The following CHSY3 variants were observed in gnomAD, a reference collection of about 807,000 sequenced individuals.
The protein encoded by CHSY3 is chondroitin sulfate synthase 3, also known as N-acetylgalactosaminyl-proteoglycan 3-beta-glucuronosyltransferase 3.
A neutral mutation model predicts 67.2 loss-of-function variants in CHSY3; 35 were observed. The ratio of observed to expected loss-of-function variants is 0.52; its 90% CI spans 0.40 to 0.69. The LOEUF is 0.69. Among genes scored for constraint, CHSY3 ranks in the 30% least tolerant of loss-of-function variants. The pLI, the probability that CHSY3 is intolerant of heterozygous loss-of-function variation, is 0.00. For synonymous variants in CHSY3, 474 were observed against 434.7 expected (o/e 1.09, Z -1.12); for missense variants, 1,069 against 1,138.5 (o/e 0.94, Z 0.88).
chr5:129,975,064 C>A (rs1561480638), intron 2 of CHSY3: 1 of 151,788 alleles, frequency 6.6e-6, no homozygotes, highest in East Asian at 2.0e-4. Context: ...CATCACACAC[C>A]AGGGCCTGTT....
chr5:129,983,560 T>C (rs551760933), intron 2 of CHSY3, among the ~76,000 whole-genome samples: 5 of 152,214 alleles, frequency 3.3e-5, no homozygotes, highest in African/African-American at 1.2e-4. Context: ...GCTCTTCCTT[T>C]TCATTCTTCT....
At chr5:130,123,054 C>A (rs1297560809) in intron 2 of CHSY3, among the ~76,000 whole-genome samples, 1 of 140,174 alleles carries the variant, frequency 7.1e-6, no homozygotes, top group African/African-American at 2.8e-5. Context: ...GGAGGTATGA[C>A]CCCTGCCTCC....
intron 2 of CHSY3, among the ~76,000 whole-genome samples, chr5:129,986,670 T>C (rs892704646): frequency 7.9e-5 from 12 of 152,226 alleles, no homozygotes; most frequent in African/African-American, 2.9e-4. Flanking sequence ...TGAGACAGGG[T>C]CACACTCTGT....
At chr5:129,989,211 T>C (rs1159445442) in intron 2 of CHSY3, among the ~76,000 whole-genome samples, 1 of 150,782 alleles carries the variant, frequency 6.6e-6, no homozygotes, top group Non-Finnish European at 1.5e-5. Context: ...GGTCATCCCA[T>C]AGAGGAAAGG....
intron 2 of CHSY3, among the ~76,000 whole-genome samples, chr5:130,130,755 C>T (rs1561550877): frequency 6.6e-6 from 1 of 152,156 alleles, no homozygotes; most frequent in African/African-American, 2.4e-5. Flanking sequence ...TGCCTTTACT[C>T]CCTCAGGTCC....
chr5:129,952,467 T>G (rs1339869471), intron 2 of CHSY3, among the ~76,000 whole-genome samples: 1 of 152,204 alleles, frequency 6.6e-6, no homozygotes, highest in Non-Finnish European at 1.5e-5. Flanking sequence ...CTTTCAGAAA[T>G]GAGCGTATAA....
intron 2 of CHSY3, among the ~76,000 whole-genome samples, chr5:130,110,583 C>T (rs927166147): frequency 1.8e-4 from 28 of 151,916 alleles, no homozygotes; most frequent in African/African-American, 6.5e-4. Context: ...TAAGATCTGT[C>T]TTGAGCCTTA....
chr5:130,108,382 T>C (rs1347157000), intron 2 of CHSY3, among the ~76,000 whole-genome samples: 1 of 151,554 alleles, frequency 6.6e-6, no homozygotes, highest in African/African-American at 2.4e-5. Flanking sequence ...TATTATAAAT[T>C]GTATAGGGCC....
chr5:129,966,909 G>A (rs1400706649), intron 2 of CHSY3, among the ~76,000 whole-genome samples: 4 of 151,798 alleles, frequency 2.6e-5, no homozygotes, highest in African/African-American at 9.7e-5. Flanking sequence ...GATACTGTAA[G>A]TAACTTTATA....
intron 2 of CHSY3, among the ~76,000 whole-genome samples, chr5:129,927,708 T>A (rs1260460895): frequency 6.6e-6 from 1 of 152,092 alleles, no homozygotes; most frequent in Non-Finnish European, 1.5e-5. Flanking sequence ...AATTCCTGGT[T>A]ATGTAAAACA....
At chr5:130,115,490 A>G (rs925062597) in intron 2 of CHSY3, among the ~76,000 whole-genome samples, 1 of 151,986 alleles carries the variant, frequency 6.6e-6, no homozygotes, top group Non-Finnish European at 1.5e-5. Context: ...ATTTTTTCCT[A>G]CTTATAATGC....
At position 130,159,161 on chromosome 5, in the gene CHSY3, C is replaced by CTTTTTT. The variant is rs33919002; in HGVS notation, c.1087-25052_1087-25047dup. Among the ~76,000 whole-genome samples the CTTTTTT allele has an allele frequency of 7.3e-4, 72 of 98,708 alleles. 1 individual carries two copies. The highest frequency in any genetic ancestry group is 1.0e-3 in the Non-Finnish European group (53 of 51,118). The allele number at this position is 98,708 out of a possible 152,430, so 64.8% of individuals were successfully genotyped here. On this transcript the variant is annotated intron_variant, in intron 2 of 2. Transcript: ENST00000305031. ...TTCTTAATTCTGCATTAAGATTTGT[C>CTTTTTT]TTTTTTTTTTTTTTTTTTTTTGAGA...
At chr5:129,989,612 A>G (rs1763302343) in intron 2 of CHSY3, among the ~76,000 whole-genome samples, 1 of 152,168 alleles carries the variant, frequency 6.6e-6, no homozygotes, top group Non-Finnish European at 1.5e-5. Flanking sequence ...TTCAGACCAT[A>G]GCAGTTCCTT....
chr5:130,118,035 T>C (rs554181265), intron 2 of CHSY3, among the ~76,000 whole-genome samples: 1 of 152,140 alleles, frequency 6.6e-6, no homozygotes, highest in East Asian at 1.9e-4. Context: ...AACATGCCAC[T>C]CCCCCTGCCC....
chr5:130,171,417 C>A lies in CHSY3; in HGVS notation c.1087-12812C>A, dbSNP rs540467598. 1.1e-3 allele frequency among the ~76,000 whole-genome samples: 167 copies of A among 152,084 alleles called. 2 individuals carry two copies. Among genetic ancestry groups the A allele is most frequent in the African/African-American group, 3.9e-3 (162 of 41,492 alleles). The stretch of plus-strand genomic sequence containing the variant: ...AACAAATGATTATGTGTCATTATAC[C>A]ATGATAAACAAACCTGATGAACTTA... On this transcript the variant is annotated intron_variant, in intron 2 of 2. Transcript: ENST00000305031.
At chr5:130,009,119 G>T (rs935431395) in intron 2 of CHSY3, among the ~76,000 whole-genome samples, 1 of 152,048 alleles carries the variant, frequency 6.6e-6, no homozygotes, top group Non-Finnish European at 1.5e-5. Flanking sequence ...GAGAATCCTT[G>T]CAAAATCGTA....
chr5:130,167,668 A>G (rs556948088), intron 2 of CHSY3, among the ~76,000 whole-genome samples: 1 of 152,264 alleles, frequency 6.6e-6, no homozygotes, highest in East Asian at 1.9e-4. Flanking sequence ...ATATAATACA[A>G]TCTTAAAACT....
intron 2 of CHSY3, among the ~76,000 whole-genome samples, chr5:130,182,524 A>T (rs1170527409): frequency 6.6e-6 from 1 of 152,050 alleles, no homozygotes; most frequent in Non-Finnish European, 1.5e-5. Flanking sequence ...AGTCTGTTTT[A>T]ATGGTTAGTG....
chr5:130,179,221 C>T (rs1166319090), intron 2 of CHSY3, among the ~76,000 whole-genome samples: 1 of 152,046 alleles, frequency 6.6e-6, no homozygotes, highest in Non-Finnish European at 1.5e-5. Context: ...TTGAACATTC[C>T]GGGTTGATTT....
Sources: allele counts gnomAD v4.1 joint callset (sites outside exome capture counted in the v4.1 genomes callset), GRCh38; gene constraint gnomAD v4.1.1; transcripts MANE v1.5; gene names NCBI Gene and HGNC (gene_info 2026-07-23, HGNC 2026-07-21).